SLC10A7: variants seen among roughly 807,000 people sequenced by gnomAD.
SLC10A7 encodes the protein sodium/bile acid cotransporter 7.
In SLC10A7, 29 loss-of-function variants were observed where a neutral mutation model predicts 43.2. That is an observed-to-expected ratio of 0.67 (90% CI 0.50 to 0.92). The LOEUF is 0.92. Among genes scored for constraint, SLC10A7 ranks in the 40% least tolerant of loss-of-function variants. The probability of loss-of-function intolerance (pLI) is 0.00; values close to 1 mark genes in which losing one functional copy is unlikely to be tolerated. For missense variants in SLC10A7, 295 were observed against 403.2 expected (o/e 0.73, Z 2.30); for synonymous variants, 152 against 144.8 (o/e 1.05, Z -0.35).
rs182983248 is a variant in SLC10A7 at position 146,420,234 on chromosome 4, T to C, written c.435+22549A>G. On this transcript the variant is annotated intron_variant, in intron 5 of 11. Transcript: ENST00000335472. ...CTGGACACCACATCACTAATACATATCAAATGAAATGTTTATTTATCTCAC... is the reference window on the plus strand; with the variant it reads ...CTGGACACCACATCACTAATACATACCAAATGAAATGTTTATTTATCTCAC... Among the ~76,000 whole-genome samples, 635 of 152,344 alleles carry C rather than the reference T, an allele frequency of 4.2e-3. 4 individuals are homozygous for C. The highest frequency in any genetic ancestry group is 5.0e-3 in the Non-Finnish European group (339 of 68,026).
intron 4 of SLC10A7, among the ~76,000 whole-genome samples, chr4:146,489,261 A>G (rs755952582): frequency 2.0e-5 from 3 of 152,202 alleles, no homozygotes; most frequent in Non-Finnish European, 4.4e-5. Context: ...GGATTGAGGC[A>G]GTCTGTTCTA....
chr4:146,509,953 G>C lies in SLC10A7; in HGVS notation c.280C>G (p.Leu94Val). 6.2e-7 allele frequency: 1 copy of C among 1,613,666 alleles called. No individual in the cohort carries two copies. Among genetic ancestry groups the C allele is most frequent in the South Asian group, 1.1e-5 (1 of 91,042 alleles). ...TCGTTGATGGGTGTGATTGATAAAA[G>C]CTGAAGAAAAAGCCATATTGTTGCT... ...FPATIWLFLQLLSITPINEWL... is the reference protein window; with the variant it reads ...FPATIWLFLQVLSITPINEWL... The change falls in exon 3 of 12, where the codon CTT (leucine) becomes GTT (valine). Residue 94 changes from leucine to valine, a missense_variant. Transcript: ENST00000335472.
intron 4 of SLC10A7, among the ~76,000 whole-genome samples, chr4:146,472,570 C>T (rs544871253): frequency 1.3e-5 from 2 of 151,946 alleles, no homozygotes; most frequent in African/African-American, 4.8e-5. Context: ...CGGGCTCATG[C>T]ATTAACATAA....
At chr4:146,383,947 C>A (rs1174911286) in intron 5 of SLC10A7, among the ~76,000 whole-genome samples, 3 of 152,124 alleles carry the variant, frequency 2.0e-5, no homozygotes, top group African/African-American at 7.2e-5. Flanking sequence ...AACCAGGATT[C>A]CAATTCAACT....
intron 5 of SLC10A7, among the ~76,000 whole-genome samples, chr4:146,416,559 A>C (rs1309874461): frequency 6.6e-6 from 1 of 152,196 alleles, no homozygotes; most frequent in Non-Finnish European, 1.5e-5. Flanking sequence ...GTGATGGAAG[A>C]CAGGAATCAA....
chr4:146,278,144 A>G (rs1326549434), intron 10 of SLC10A7, among the ~76,000 whole-genome samples: 2 of 152,120 alleles, frequency 1.3e-5, no homozygotes, highest in Non-Finnish European at 2.9e-5. Context: ...ATAGTTTCTG[A>G]GATATGATCT....
chr4:146,269,247 A>C (rs1728751493), intron 10 of SLC10A7, among the ~76,000 whole-genome samples: 1 of 152,228 alleles, frequency 6.6e-6, no homozygotes, highest in South Asian at 2.1e-4. Flanking sequence ...TGAAAGATTT[A>C]ACTCTACCAA....
rs866235214 is a variant in SLC10A7, at chr4:146,311,019, T to G, written c.472-5010A>C. Among the ~76,000 whole-genome samples the G allele has an allele frequency of 3.3e-5, 5 of 151,968 alleles. No homozygotes were observed. In the South Asian group the frequency reaches 8.3e-4, roughly 25 times the overall value. ...CAAACCACAGAACACAGCAAATGATTGGAGTGACTGGTTTCTCGACTCTCC... is the reference window on the plus strand; with the variant it reads ...CAAACCACAGAACACAGCAAATGATGGGAGTGACTGGTTTCTCGACTCTCC... On this transcript the variant is annotated intron_variant, in intron 6 of 11. Coordinates refer to ENST00000335472, the MANE Select transcript of SLC10A7 (RefSeq NM_001029998.6).
At chr4:146,402,909 G>A (rs763226572) in intron 5 of SLC10A7, among the ~76,000 whole-genome samples, 1 of 152,170 alleles carries the variant, frequency 6.6e-6, no homozygotes, top group Non-Finnish European at 1.5e-5. Context: ...ACAGCTTCAA[G>A]AGCCAGATTG....
intron 5 of SLC10A7, among the ~76,000 whole-genome samples, chr4:146,388,512 A>T (rs146050545): frequency 0.018 from 2,732 of 152,248 alleles, 92 homozygotes; most frequent in African/African-American, 0.061. Flanking sequence ...TAATCCCAGG[A>T]CTTTGGGAGG....
chr4:146,355,433 T>C (rs1340002249), intron 5 of SLC10A7, among the ~76,000 whole-genome samples: 1 of 152,184 alleles, frequency 6.6e-6, no homozygotes, highest in African/African-American at 2.4e-5. Context: ...ACGTTTACAC[T>C]GTTGGTGGGA....
intron 4 of SLC10A7, among the ~76,000 whole-genome samples, chr4:146,494,562 C>T (rs1478557608): frequency 6.6e-6 from 1 of 151,980 alleles, no homozygotes; most frequent in Non-Finnish European, 1.5e-5. Flanking sequence ...AGGAACCAGA[C>T]AAGAAGAAAA....
chr4:146,304,009 C>T (rs1334371204), intron 7 of SLC10A7, among the ~76,000 whole-genome samples: 3 of 151,114 alleles, frequency 2.0e-5, no homozygotes, highest in Non-Finnish European at 2.9e-5. Flanking sequence ...GACTTGTTCA[C>T]TTTAGTTGTG....
intron 10 of SLC10A7, among the ~76,000 whole-genome samples, chr4:146,267,821 T>G (rs979991281): frequency 2.0e-5 from 3 of 152,186 alleles, no homozygotes; most frequent in African/African-American, 7.2e-5. Flanking sequence ...TCACTGAATC[T>G]ACTTAGATTT....
At chr4:146,437,283 T>C (rs1368669925) in intron 5 of SLC10A7, among the ~76,000 whole-genome samples, 1 of 152,100 alleles carries the variant, frequency 6.6e-6, no homozygotes, top group African/African-American at 2.4e-5. Context: ...TCAAATGAAA[T>C]GCATAGCACG....
intron 7 of SLC10A7, among the ~76,000 whole-genome samples, chr4:146,301,704 T>C (rs1731171349): frequency 6.6e-6 from 1 of 152,116 alleles, no homozygotes; most frequent in African/African-American, 2.4e-5. Context: ...ATGAAGTGAC[T>C]GCCTGGATGT....
At chr4:146,374,815 T>G (rs1737069005) in intron 5 of SLC10A7, among the ~76,000 whole-genome samples, 1 of 152,126 alleles carries the variant, frequency 6.6e-6, no homozygotes, top group Admixed American at 6.6e-5. Context: ...ATGCATGACA[T>G]TTAAAAAGAT....
At chr4:146,279,344 G>T (rs897023843) in intron 10 of SLC10A7, among the ~76,000 whole-genome samples, 6 of 152,116 alleles carry the variant, frequency 3.9e-5, no homozygotes, top group Non-Finnish European at 8.8e-5. Context: ...ATACTCAAGA[G>T]AAAAAGATAA....
rs545272021 is a variant in SLC10A7 at position 146,432,993 on chromosome 4, A to G, written c.435+9790T>C. ...GCGGAGCTTGCAGTGAGCCGAGATC[A>G]CGCCACTGCACTCCAGCGTGGGTGA... On this transcript the variant is annotated intron_variant, in intron 5 of 11. Transcript: ENST00000335472. 1.1e-4 allele frequency among the ~76,000 whole-genome samples: 17 copies of G among 150,980 alleles called. No homozygotes were observed. The South Asian group carries it at 2.3e-3, about 21-fold the overall frequency.
Sources: allele counts gnomAD v4.1 joint callset (sites outside exome capture counted in the v4.1 genomes callset), GRCh38; gene constraint gnomAD v4.1.1; transcripts MANE v1.5; gene names NCBI Gene and HGNC (gene_info 2026-07-23, HGNC 2026-07-21).